FSTL5: variants seen among roughly 807,000 people sequenced by gnomAD.
FSTL5 encodes the protein follistatin-related protein 5.
A neutral mutation model predicts 89.1 loss-of-function variants in FSTL5; 62 were observed. The observed-to-expected ratio is 0.70, with a 90% confidence interval of 0.57 to 0.86. The LOEUF (loss-of-function observed/expected upper bound fraction) is 0.86, where lower values mean the gene tolerates loss of function less well. Among genes scored for constraint, FSTL5 ranks in the 40% least tolerant of loss-of-function variants. The pLI is 0.00. For synonymous variants in FSTL5, 383 were observed against 346.2 expected (o/e 1.11, Z -1.18); for missense variants, 1,057 against 1,001.6 (o/e 1.06, Z -0.75).
chr4:161,893,656 A>G (rs922689181), intron 4 of FSTL5, among the ~76,000 whole-genome samples: 3 of 152,198 alleles, frequency 2.0e-5, no homozygotes, highest in African/African-American at 7.2e-5. Flanking sequence ...GTTTTTGAAC[A>G]TTGGATATTT....
intron 2 of FSTL5, among the ~76,000 whole-genome samples, chr4:162,078,721 T>A (rs990426671): frequency 1.3e-5 from 2 of 151,890 alleles, no homozygotes; most frequent in Non-Finnish European, 2.9e-5. Context: ...CATTTGACAA[T>A]TTTACACCTT....
At chr4:161,528,211 G>C (rs1306587566) in intron 10 of FSTL5, among the ~76,000 whole-genome samples, 1 of 138,200 alleles carries the variant, frequency 7.2e-6, no homozygotes, top group Non-Finnish European at 1.6e-5. Flanking sequence ...CGAGTTAATG[G>C]GTGCAGCACA....
At chr4:162,060,357 T>C (rs1238891772) in intron 2 of FSTL5, among the ~76,000 whole-genome samples, 9 of 152,114 alleles carry the variant, frequency 5.9e-5, no homozygotes, top group South Asian at 2.1e-4. Context: ...TCACAGTATT[T>C]CCTTCGAGTT....
At chr4:161,611,875 G>A (rs192516908) in intron 7 of FSTL5, among the ~76,000 whole-genome samples, 63 of 152,302 alleles carry the variant, frequency 4.1e-4, no homozygotes, top group Middle Eastern at 3.4e-3. Flanking sequence ...CAAAAGGAGC[G>A]AATGAAAAGG....
intron 13 of FSTL5, among the ~76,000 whole-genome samples, chr4:161,472,458 G>T (rs1030941462): frequency 6.6e-6 from 1 of 151,222 alleles, no homozygotes; most frequent in African/African-American, 2.4e-5. Flanking sequence ...GATATTTCTT[G>T]ATTTTTTTAA....
intron 4 of FSTL5, among the ~76,000 whole-genome samples, chr4:161,911,420 G>A (rs960959913): frequency 6.6e-6 from 1 of 151,932 alleles, no homozygotes; most frequent in African/African-American, 2.4e-5. Flanking sequence ...TAAGAACTTT[G>A]GCAATTATTT....
intron 4 of FSTL5, among the ~76,000 whole-genome samples, chr4:161,810,436 G>A (rs1019970029): frequency 6.6e-6 from 1 of 152,124 alleles, no homozygotes; most frequent in African/African-American, 2.4e-5. Context: ...TCACAATAAT[G>A]TGTATATTCA....
chr4:162,157,271 A>T (rs7688371), intron 1 of FSTL5, among the ~76,000 whole-genome samples: 1 of 151,860 alleles, frequency 6.6e-6, no homozygotes, highest in South Asian at 2.1e-4. Context: ...AAATTTTTAG[A>T]CCAAAGTAAA....
intron 9 of FSTL5, among the ~76,000 whole-genome samples, chr4:161,542,053 T>C (rs1012824404): frequency 2.0e-5 from 3 of 151,942 alleles, no homozygotes; most frequent in Non-Finnish European, 4.4e-5. Flanking sequence ...CTTTAAAAAA[T>C]GTAAATGGAA....
chr4:161,619,249 C>T (rs1735015170), intron 7 of FSTL5, among the ~76,000 whole-genome samples: 1 of 152,078 alleles, frequency 6.6e-6, no homozygotes, highest in Admixed American at 6.5e-5. Flanking sequence ...AGAAGAAAAC[C>T]TAGGCATTAC....
At chr4:162,014,609 G>T (rs939254839) in intron 3 of FSTL5, among the ~76,000 whole-genome samples, 7 of 152,208 alleles carry the variant, frequency 4.6e-5, no homozygotes, top group South Asian at 4.1e-4. Context: ...AGGCAGATGG[G>T]CTGATGGTAG....
At position 161,384,673 on chromosome 4, in the gene FSTL5, T is replaced by C. The variant is rs984671881; in HGVS notation, c.*1074A>G. 4 of 152,148 alleles carry C rather than the reference T, an allele frequency of 2.6e-5. No individual in the cohort carries two copies. The highest frequency in any genetic ancestry group is 9.6e-5 in the African/African-American group (4 of 41,454). The allele number at this position is 152,148 out of a possible 1,614,324, so 9.4% of individuals were successfully genotyped here. On this transcript the variant is annotated 3_prime_UTR_variant, in exon 16 of 16. Transcript: ENST00000306100. ...CAAAAACAATGGAGTACTACATTTTTACTTACCACTGTCGGGCTACCCCTT... is the reference window on the plus strand; with the variant it reads ...CAAAAACAATGGAGTACTACATTTTCACTTACCACTGTCGGGCTACCCCTT...
At chr4:161,397,794 C>G (rs1034047205) in intron 15 of FSTL5, among the ~76,000 whole-genome samples, 3 of 151,486 alleles carry the variant, frequency 2.0e-5, no homozygotes, top group Non-Finnish European at 4.4e-5. Context: ...AATATTCTGA[C>G]TATAAAATGA....
chr4:161,384,444 T>A lies in FSTL5; in HGVS notation c.*1303A>T, dbSNP rs901158436. ...ACCAGCTCTCTAGTTTTAATCTACTTCTGCTGGCCTTCTCATTTCCTCTTA... is the reference window on the plus strand; with the variant it reads ...ACCAGCTCTCTAGTTTTAATCTACTACTGCTGGCCTTCTCATTTCCTCTTA... On this transcript the variant is annotated 3_prime_UTR_variant, in exon 16 of 16. Transcript: ENST00000306100. 1 of 152,174 alleles carries A rather than the reference T, an allele frequency of 6.6e-6. No homozygotes were observed. Among genetic ancestry groups the A allele is most frequent in the Non-Finnish European group, 1.5e-5 (1 of 68,010 alleles). The allele number at this position is 152,174 out of a possible 1,614,324, so 9.4% of individuals were successfully genotyped here. A position where few individuals can be genotyped will look rare whatever the true frequency, so the allele number is the denominator to read the frequency against.
At chr4:161,743,207 G>A (rs1579061947) in intron 6 of FSTL5, among the ~76,000 whole-genome samples, 1 of 152,134 alleles carries the variant, frequency 6.6e-6, no homozygotes, top group East Asian at 1.9e-4. Context: ...TTACTTTTTG[G>A]TCATTGATCT....
chr4:162,009,705 C>T (rs934570219), intron 3 of FSTL5, among the ~76,000 whole-genome samples: 2 of 151,916 alleles, frequency 1.3e-5, no homozygotes, highest in African/African-American at 4.8e-5. Flanking sequence ...AACTGCTATA[C>T]AAAGAAAATA....
intron 6 of FSTL5, among the ~76,000 whole-genome samples, chr4:161,666,140 G>A (rs987273755): frequency 6.6e-6 from 1 of 151,864 alleles, no homozygotes; most frequent in Admixed American, 6.6e-5. Context: ...GAAGATAATT[G>A]CCACCCACAA....
chr4:161,786,299 C>T (rs955234558), intron 4 of FSTL5, among the ~76,000 whole-genome samples: 15 of 151,972 alleles, frequency 9.9e-5, no homozygotes, highest in African/African-American at 3.6e-4. Flanking sequence ...GCATGTTACA[C>T]TGGGGAGAAA....
At chr4:161,900,638 CA>C (rs58702301) in intron 4 of FSTL5, among the ~76,000 whole-genome samples, 15 of 65,300 alleles carry the variant, frequency 2.3e-4, no homozygotes, top group African/African-American at 7.7e-4. Context: ...GACTCCATCT[CA>C]AAAAAAAAAA....
Sources: gnomAD v4.1 joint callset for allele counts (sites outside exome capture counted in the v4.1 genomes callset) on GRCh38, gnomAD v4.1.1 for gene constraint, MANE v1.5 for transcripts, NCBI Gene and HGNC (gene_info 2026-07-23, HGNC 2026-07-21) for gene names.